Variants in TMEM17 observed in about 807,000 individuals in gnomAD.
TMEM17 encodes transmembrane protein 17.
In TMEM17, 15 loss-of-function variants were observed where a neutral mutation model predicts 19.1. The observed-to-expected ratio is 0.78, with a 90% confidence interval of 0.52 to 1.21. The LOEUF (loss-of-function observed/expected upper bound fraction) is 1.21. TMEM17 is among the 50% of genes most tolerant of loss of function. The pLI, the probability that TMEM17 is intolerant of heterozygous loss-of-function variation, is 0.00. For missense variants in TMEM17, 245 were observed against 242.3 expected (o/e 1.01, Z -0.07); for synonymous variants, 103 against 86.9 (o/e 1.19, Z -1.03).
At chr2:62,476,579 T>A in the TMEM17 span, among the ~76,000 whole-genome samples, 1 of 152,226 alleles carries the variant, frequency 6.6e-6, no homozygotes, top group Non-Finnish European at 1.5e-5. Context: ...TGAAAAATCC[T>A]AAGTTGCACC....
chr2:62,463,025 C>T, the TMEM17 span: 5 of 152,426 alleles, frequency 3.3e-5, no homozygotes, highest in East Asian at 9.6e-4. Context: ...CTACCTCCTC[C>T]TCTCAACACA....
At chr2:62,475,012 A>G in the TMEM17 span, among the ~76,000 whole-genome samples, 2 of 152,230 alleles carry the variant, frequency 1.3e-5, no homozygotes, top group East Asian at 1.9e-4. Context: ...TAAAAAGATC[A>G]GCACCCAGGT....
the TMEM17 span, among the ~76,000 whole-genome samples, chr2:62,486,985 A>C: frequency 2.0e-5 from 3 of 152,178 alleles, no homozygotes; most frequent in African/African-American, 7.2e-5. Context: ...TATTTCACTC[A>C]GCTCTCAGAA....
At chr2:62,487,943 C>T in the TMEM17 span, among the ~76,000 whole-genome samples, 1 of 152,326 alleles carries the variant, frequency 6.6e-6, no homozygotes, top group South Asian at 2.1e-4. Context: ...GATCCGCCTG[C>T]CTTGGCCTCC....
chr2:62,491,936 A>G, the TMEM17 span, among the ~76,000 whole-genome samples: 1 of 151,978 alleles, frequency 6.6e-6, no homozygotes, highest in East Asian at 1.9e-4. Context: ...AAAAAAAAAA[A>G]AAAACTCCAA....
At chr2:62,501,549 TAAAC>T in intron 3 of TMEM17, 62 bp from the exon 4 acceptor site, 2 of 1,502,800 alleles carry the variant, frequency 1.3e-6, no homozygotes, top group Non-Finnish European at 1.8e-6. Context: ...TTTATACAGA[TAAAC>T]AAGTACTTAT....
the TMEM17 span, among the ~76,000 whole-genome samples, chr2:62,466,551 A>G: frequency 1.3e-5 from 2 of 152,284 alleles, no homozygotes; most frequent in East Asian, 3.9e-4. Context: ...CAAGCTCACC[A>G]TATGGGGGAG....
chr2:62,501,090 G>T lies in TMEM17; in HGVS notation c.*119C>A. On this transcript the variant is annotated 3_prime_UTR_variant, in exon 4 of 4. Transcript: ENST00000335390. ...CATTGCCCCCAACCTTGGAATTTCA[G>T]AGTGAGAGCATATACAATTCAAAAC... is the stretch of plus-strand genomic sequence containing the variant. The T allele has an allele frequency of 8.6e-7, 1 of 1,167,748 alleles. No homozygotes were observed. The highest frequency in any genetic ancestry group is 1.2e-6 in the Non-Finnish European group (1 of 831,252). 72.3% of individuals were successfully genotyped at this position (1,167,748 alleles called of 1,614,324 possible).
chr2:62,461,267 C>T, the TMEM17 span, among the ~76,000 whole-genome samples: 22 of 152,210 alleles, frequency 1.4e-4, 1 homozygote, highest in South Asian at 4.3e-3. Context: ...TGGGATTTAA[C>T]GTAAACAGGC....
At chr2:62,496,824 G>A (rs747437430), downstream of TMEM17, among the ~76,000 whole-genome samples, 24 of 152,320 alleles carry the variant, frequency 1.6e-4, no homozygotes, top group Admixed American at 9.8e-4. Flanking sequence ...ATGGCTGGGT[G>A]TGGTGGCTCA....
At chr2:62,460,224 G>A in the TMEM17 span, among the ~76,000 whole-genome samples, 1 of 152,218 alleles carries the variant, frequency 6.6e-6, no homozygotes, top group African/African-American at 2.4e-5. Context: ...AAACCAATGG[G>A]TAGGAATGAC....
chr2:62,499,576 T>C (rs2103725077), downstream of TMEM17, among the ~76,000 whole-genome samples: 1 of 152,232 alleles, frequency 6.6e-6, no homozygotes, highest in Non-Finnish European at 1.5e-5. Flanking sequence ...GCAGAAATAA[T>C]AAAATTAGCA....
chr2:62,457,902 A>G, the TMEM17 span, among the ~76,000 whole-genome samples: 8 of 152,228 alleles, frequency 5.3e-5, no homozygotes, highest in South Asian at 1.7e-3. This position sits in a 1 kb window ranked among gnomAD's most constrained non-coding sequence, Gnocchi z 4.2. Flanking sequence ...TGTTGCACCA[A>G]CGTTTTCCTC....
chr2:62,454,365 C>A, the TMEM17 span, among the ~76,000 whole-genome samples: 1 of 152,284 alleles, frequency 6.6e-6, no homozygotes, highest in African/African-American at 2.4e-5. Flanking sequence ...ATCGTGGCTG[C>A]ATGAAGCATG....
chr2:62,460,144 G>A, the TMEM17 span, among the ~76,000 whole-genome samples: 2 of 152,156 alleles, frequency 1.3e-5, no homozygotes, highest in African/African-American at 2.4e-5. Flanking sequence ...ATCAGGCCAA[G>A]GTACTGTGTA....
At chr2:62,472,008 C>A in the TMEM17 span, among the ~76,000 whole-genome samples, 1 of 152,200 alleles carries the variant, frequency 6.6e-6, no homozygotes, top group East Asian at 1.9e-4. Flanking sequence ...GGGAGCAGCC[C>A]AAAGCCCCAG....
the TMEM17 span, among the ~76,000 whole-genome samples, chr2:62,493,188 A>C: frequency 6.6e-6 from 1 of 151,870 alleles, no homozygotes; most frequent in Non-Finnish European, 1.5e-5. Flanking sequence ...AACTATGCCT[A>C]GCTATTTTTT....
chr2:62,456,593 C>T, the TMEM17 span, among the ~76,000 whole-genome samples: 11 of 152,248 alleles, frequency 7.2e-5, no homozygotes, highest in Non-Finnish European at 1.5e-4. Flanking sequence ...GTAATATTCA[C>T]AGGTTCCAGG....
chr2:62,463,313 C>T, the TMEM17 span: 1 of 152,162 alleles, frequency 6.6e-6, no homozygotes, highest in South Asian at 2.1e-4. Flanking sequence ...AGCATTGGGA[C>T]CTCAGGTAAG....
Sources: gnomAD v4.1 joint callset for allele counts (sites outside exome capture counted in the v4.1 genomes callset) on GRCh38, gnomAD v4.1.1 for gene constraint, Gnocchi (gnomAD v3.1) non-coding constraint, MANE v1.5 for transcripts, NCBI Gene and HGNC (gene_info 2026-07-23, HGNC 2026-07-21) for gene names.